PRDM5: variants seen among roughly 807,000 people sequenced by gnomAD.
PRDM5 encodes the protein PR domain zinc finger protein 5.
Under a neutral mutation model 81.2 loss-of-function variants are expected in PRDM5, and 56 were observed. That is an observed-to-expected ratio of 0.69 (90% CI 0.56 to 0.86). The LOEUF (loss-of-function observed/expected upper bound fraction) is 0.86, where lower values mean the gene tolerates loss of function less well. PRDM5 is among the 40% of genes least tolerant of loss of function. The probability of loss-of-function intolerance (pLI) is 0.00; values close to 1 mark genes in which losing one functional copy is unlikely to be tolerated. For missense variants in PRDM5, 697 were observed against 770.1 expected, an observed-to-expected ratio of 0.91 and a Z score of 1.12; for synonymous variants, 267 against 256.4, an observed-to-expected ratio of 1.04 and a Z score of -0.39.
intron 2 of PRDM5, among the ~76,000 whole-genome samples, chr4:120,884,820 G>A (rs968545646): frequency 6.6e-5 from 10 of 152,028 alleles, no homozygotes; most frequent in Admixed American, 6.6e-5. Flanking sequence ...GGTTATGCCT[G>A]ACTGGAATAA....
At chr4:120,734,421 T>TACACAC (rs149559268) in intron 14 of PRDM5, among the ~76,000 whole-genome samples, 97 of 138,088 alleles carry the variant, frequency 7.0e-4, no homozygotes, top group Admixed American at 4.8e-3. Context: ...CACACACAAA[T>TACACAC]ACACACACAC....
At chr4:120,798,122 G>T in intron 10 of PRDM5, 145 bp downstream of exon 10, 1 of 521,172 alleles carries the variant, frequency 1.9e-6, no homozygotes, top group Non-Finnish European at 3.2e-6. Flanking sequence ...AGGCTGTGAG[G>T]GGTTATGGCC....
chr4:120,718,856 AG>A (rs1314940919), intron 14 of PRDM5, among the ~76,000 whole-genome samples: 1 of 152,186 alleles, frequency 6.6e-6, no homozygotes, highest in Non-Finnish European at 1.5e-5. Context: ...TAAACAAAAA[AG>A]GCTTGTGTTA....
chr4:120,915,408 G>A (rs1724018835), intron 1 of PRDM5, among the ~76,000 whole-genome samples: 1 of 152,140 alleles, frequency 6.6e-6, no homozygotes, highest in Non-Finnish European at 1.5e-5. Context: ...GATGCTCACA[G>A]GCATGTTCAC....
intron 14 of PRDM5, among the ~76,000 whole-genome samples, chr4:120,720,616 C>A (rs1428711079): frequency 6.6e-6 from 1 of 152,164 alleles, no homozygotes; most frequent in Non-Finnish European, 1.5e-5. Context: ...TGCATACAAT[C>A]AAAATGCATT....
chr4:120,720,684 C>T (rs1405315535), intron 14 of PRDM5, among the ~76,000 whole-genome samples: 1 of 152,152 alleles, frequency 6.6e-6, no homozygotes, highest in African/African-American at 2.4e-5. Context: ...ATGTTTATAG[C>T]TTTTGTGGCT....
intron 8 of PRDM5, 128 bp from the exon 9 acceptor site, chr4:120,799,873 C>A: frequency 6.8e-7 from 1 of 1,468,540 alleles, no homozygotes; most frequent in Non-Finnish European, 9.0e-7. Flanking sequence ...ACAATTCAGC[C>A]CTAATTTGTT....
At chr4:120,774,837 CACAA>C (rs1001915487) in intron 13 of PRDM5, among the ~76,000 whole-genome samples, 3 of 151,004 alleles carry the variant, frequency 2.0e-5, no homozygotes, top group African/African-American at 7.3e-5. Flanking sequence ...TGTGTGGACA[CACAA>C]ACACATACAC....
rs753727404 is a variant in PRDM5, at chr4:120,818,489, A to G, written c.514T>C (p.Cys172Arg). Residue 172 changes from cysteine to arginine, a missense_variant, in exon 5 of 16, where the codon TGT becomes CGT. Physicochemically the swap from Cys to Arg is radical, Grantham distance 180. This residue lies in a region of PRDM5 where 577 missense variants were observed against 606.7 expected (regional missense o/e 0.95). Coordinates refer to ENST00000264808, the MANE Select transcript of PRDM5 (RefSeq NM_018699.4). ...TCCTCACTGGTAAAACTCGATTCAC[A>G]TTGAGGACAAGCATAGTCCTCTTTA... ...GCKEDYACPQ[C>R]ESSFTSEDIL... 1.2e-6 allele frequency: 2 copies of G among 1,613,804 alleles called. No homozygotes were observed. The highest frequency in any genetic ancestry group is 1.7e-6 in the Non-Finnish European group (2 of 1,179,710).
chr4:120,706,952 A>C (rs1181918571), intron 15 of PRDM5, among the ~76,000 whole-genome samples: 1 of 151,698 alleles, frequency 6.6e-6, no homozygotes, highest in Non-Finnish European at 1.5e-5. Flanking sequence ...GGAAAAGTCC[A>C]GGATCAGGTG....
Position 120,838,693 on chromosome 4 carries a change from T to C in PRDM5, c.300+14725A>G, listed in dbSNP as rs192799063. On this transcript the variant is annotated intron_variant, in intron 3 of 15. Transcript: ENST00000264808. ...CCTGGCATGCACAGTTTACAACAGG[T>C]TTTGCACTCCTATTATTATGGGATC... The C allele has an allele frequency of 3.0e-4, 46 of 154,090 alleles. No homozygotes were observed. In the East Asian group the frequency reaches 5.3e-3, roughly 18 times the overall value. 9.5% of individuals were successfully genotyped at this position (154,090 alleles called of 1,614,324 possible).
At chr4:120,775,013 T>C (rs13136373) in intron 13 of PRDM5, among the ~76,000 whole-genome samples, 2 of 150,320 alleles carry the variant, frequency 1.3e-5, no homozygotes, top group African/African-American at 2.4e-5. Context: ...CACAAACACA[T>C]ATATATATAA....
chr4:120,798,170 A>G, intron 10 of PRDM5, 97 bp downstream of exon 10: 1 of 886,122 alleles, frequency 1.1e-6, no homozygotes, highest in Non-Finnish European at 1.7e-6. Context: ...CATTATATAC[A>G]GTAGGCCCCA....
At chr4:120,709,424 C>T (rs1228616078) in intron 15 of PRDM5, among the ~76,000 whole-genome samples, 1 of 152,148 alleles carries the variant, frequency 6.6e-6, no homozygotes, top group Non-Finnish European at 1.5e-5. Context: ...AGTATGCCCA[C>T]TGGGAGTACA....
chr4:120,748,554 A>C (rs1215323158), intron 14 of PRDM5, among the ~76,000 whole-genome samples: 1 of 151,782 alleles, frequency 6.6e-6, no homozygotes, highest in Non-Finnish European at 1.5e-5. Context: ...AGACTACAGG[A>C]CCACTGAACC....
At chr4:120,803,225 A>T (rs1434866855) in intron 8 of PRDM5, among the ~76,000 whole-genome samples, 1 of 152,202 alleles carries the variant, frequency 6.6e-6, no homozygotes, top group Non-Finnish European at 1.5e-5. Flanking sequence ...CAAAATCTAC[A>T]TCTGATTGTT....
At chr4:120,894,259 A>C (rs1469679502) in intron 2 of PRDM5, among the ~76,000 whole-genome samples, 1 of 152,204 alleles carries the variant, frequency 6.6e-6, no homozygotes, top group African/African-American at 2.4e-5. Flanking sequence ...CAATGCTTTA[A>C]TTACAGTTAC....
In PRDM5 at chr4:120,848,730, A is replaced by G. The variant is rs577825436; in HGVS notation, c.300+4688T>C. ...AAATTTGCCCTGTCAATAAGCTACA[A>G]AATTAATGAAAATAATATTGATAAG... On this transcript the variant is annotated intron_variant, in intron 3 of 15. Transcript: ENST00000264808. Among the ~76,000 whole-genome samples the G allele has an allele frequency of 2.8e-4, 43 of 152,274 alleles. No individual in the cohort carries two copies. In the South Asian group the frequency reaches 8.5e-3, roughly 30 times the overall value.
intron 2 of PRDM5, among the ~76,000 whole-genome samples, chr4:120,891,234 T>C (rs1162464702): frequency 6.6e-6 from 1 of 152,204 alleles, no homozygotes; most frequent in East Asian, 1.9e-4. Flanking sequence ...TGTTCAAAGA[T>C]TCCATTTCTT....
Sources: allele counts gnomAD v4.1 joint callset (sites outside exome capture counted in the v4.1 genomes callset), GRCh38; gene constraint gnomAD v4.1.1; regional missense constraint gnomAD v4.1.1; transcripts MANE v1.5; gene names NCBI Gene and HGNC (gene_info 2026-07-23, HGNC 2026-07-21).